The following CEP89 variants were observed in gnomAD, a reference collection of about 807,000 sequenced individuals.
CEP89 encodes centrosomal protein of 89 kDa.
CEP89 carries 95 observed loss-of-function variants against 97.6 expected under a neutral mutation model. That is an observed-to-expected ratio of 0.97 (90% confidence interval 0.82 to 1.15). CEP89 has a LOEUF of 1.15. CEP89 is among the 50% of genes most tolerant of loss of function. The pLI is 0.00. For missense variants in CEP89, 869 were observed against 947.7 expected, an observed-to-expected ratio of 0.92 and a Z score of 1.09; for synonymous variants, 354 against 349.1, an observed-to-expected ratio of 1.01 and a Z score of -0.16.
At chr19:32,951,563 A>ACACG (rs1555794453) in intron 4 of CEP89, among the ~76,000 whole-genome samples, 153 of 150,770 alleles carry the variant, frequency 1.0e-3, no homozygotes, top group African/African-American at 3.6e-3. Flanking sequence ...ACACACACAC[A>ACACG]CACGCACACT....
intron 12 of CEP89, among the ~76,000 whole-genome samples, chr19:32,923,065 TTC>T (rs1159647774): frequency 2.0e-5 from 3 of 151,990 alleles, no homozygotes; most frequent in African/African-American, 7.2e-5. Flanking sequence ...CTCATGAGCT[TTC>T]TGTTTTGGGA....
intron 5 of CEP89, among the ~76,000 whole-genome samples, chr19:32,944,329 C>T (rs1970752090): frequency 6.6e-6 from 1 of 151,640 alleles, no homozygotes; most frequent in Non-Finnish European, 1.5e-5. Context: ...CAGCACACAA[C>T]GAATGATAGC....
chr19:32,908,912 G>A (rs939984043), intron 14 of CEP89, among the ~76,000 whole-genome samples: 12 of 152,300 alleles, frequency 7.9e-5, no homozygotes, highest in African/African-American at 2.2e-4. Context: ...GGCAAGCCTC[G>A]AGGTGTGGTG....
intron 12 of CEP89, among the ~76,000 whole-genome samples, chr19:32,922,124 T>C (rs1970261549): frequency 6.6e-6 from 1 of 152,160 alleles, no homozygotes; most frequent in South Asian, 2.1e-4. Flanking sequence ...GAGCAGGACA[T>C]TGGTTCCTGC....
Position 32,879,330 on chromosome 19 carries a change from T to G in CEP89, c.2184A>C (p.Glu728Asp). 1 of 1,614,262 alleles carries G rather than the reference T, an allele frequency of 6.2e-7. No individual in the cohort carries two copies. The highest frequency in any genetic ancestry group is 8.5e-7 in the Non-Finnish European group (1 of 1,180,050). ...GGAGAAGTTCTCGGATTCTTCGGTT[T>G]TCCCTGAAGGTAGATTCCCAAATAA... ...LEVIWESTFR[E>D]NRRIRELLQD... The change falls in exon 19 of 19, where the codon GAA becomes GAC. Residue 728 changes from glutamate (E) to aspartate (D), a missense_variant. Glu to Asp is a conservative substitution (Grantham distance 45, BLOSUM62 2). Coordinates refer to ENST00000305768, the MANE Select transcript of CEP89 (RefSeq NM_032816.5).
At position 32,878,962 on chromosome 19, in the gene CEP89, T is replaced by TAAAAA. The variant is rs71336972; in HGVS notation, c.*195_*199dup. 3 of 384,248 alleles carry TAAAAA rather than the reference T, an allele frequency of 7.8e-6. No individual in the cohort carries two copies. Among genetic ancestry groups the TAAAAA allele is most frequent in the Non-Finnish European group, 9.2e-6 (2 of 216,964 alleles). 23.8% of individuals were successfully genotyped at this position (384,248 alleles called of 1,614,324 possible). ...GGGCAACAGAGTGAGACCCTAGCTC[T>TAAAAA]AAAAAAAAAAAAAAATTAAAAAATA... On this transcript the variant is annotated 3_prime_UTR_variant, in exon 19 of 19. Transcript: ENST00000305768.
Position 32,879,113 on chromosome 19 carries a change from G to A in CEP89, c.*49C>T, listed in dbSNP as rs1266358993. The A allele has an allele frequency of 6.8e-7, 1 of 1,478,788 alleles. No individual in the cohort carries two copies. The allele number at this position is 1,478,788 out of a possible 1,614,324, so 91.6% of individuals were successfully genotyped here. On this transcript the variant is annotated 3_prime_UTR_variant, in exon 19 of 19. Transcript: ENST00000305768. ...TGCCCTGCAGGGAAGGCCTGTGTGA[G>A]GCAGACCTTTCAGGCCAGAGGAGGC...
intron 11 of CEP89, among the ~76,000 whole-genome samples, chr19:32,925,332 G>C (rs995762043): frequency 6.6e-6 from 1 of 152,122 alleles, no homozygotes; most frequent in Non-Finnish European, 1.5e-5. Context: ...AAACGGCGGT[G>C]GACAAGGCAG....
chr19:32,966,466 T>C lies in CEP89; in HGVS notation c.40A>G (p.Lys14Glu), dbSNP rs1450013412. Residue 14 changes from lysine to glutamate, a missense_variant and splice_region_variant, in exon 2 of 19, where the codon AAA becomes GAA. Transcript: ENST00000305768. ...GFRRGRRSHF[K>E]HIIHGLLPAA... ...GGTAAAAGGCCATGGATGATGTGTT[T>C]CTGCACAAATGAAATCCAACAGAAG... 6.6e-7 allele frequency: 1 copy of C among 1,508,508 alleles called. No homozygotes were observed. Among genetic ancestry groups the C allele is most frequent in the Admixed American group, 2.1e-5 (1 of 48,424 alleles). 93.4% of individuals were successfully genotyped at this position (1,508,508 alleles called of 1,614,324 possible).
Position 32,878,976 on chromosome 19 carries a change from AAT to A in CEP89, c.*184_*185del. 4.3e-6 allele frequency: 2 copies of A among 466,746 alleles called. No homozygotes were observed. The highest frequency in any genetic ancestry group is 7.5e-6 in the Non-Finnish European group (2 of 268,374). 28.9% of individuals were successfully genotyped at this position (466,746 alleles called of 1,614,324 possible). On this transcript the variant is annotated 3_prime_UTR_variant, in exon 19 of 19. Coordinates refer to ENST00000305768, the MANE Select transcript of CEP89 (RefSeq NM_032816.5). ...GACCCTAGCTCTAAAAAAAAAAAAA[AAT>A]TAAAAAATAAAGCAAAATGTTATCA...
chr19:32,939,193 G>A (rs1970636896), intron 6 of CEP89, among the ~76,000 whole-genome samples: 1 of 152,146 alleles, frequency 6.6e-6, no homozygotes, highest in Non-Finnish European at 1.5e-5. Flanking sequence ...TGAGGCTACA[G>A]TGAGCTATGA....
intron 17 of CEP89, among the ~76,000 whole-genome samples, chr19:32,886,293 C>G (rs1286245401): frequency 6.6e-6 from 1 of 152,204 alleles, no homozygotes; most frequent in Non-Finnish European, 1.5e-5. Flanking sequence ...CTGAATTCCT[C>G]TGGAATGAGA....
At chr19:32,893,886 G>A (rs1277741646) in intron 16 of CEP89, among the ~76,000 whole-genome samples, 1 of 152,208 alleles carries the variant, frequency 6.6e-6, no homozygotes, top group East Asian at 1.9e-4. Flanking sequence ...TACAGCAAAA[G>A]CAATGCTAAG....
At chr19:32,887,952 C>A in intron 16 of CEP89, 111 bp from the exon 17 acceptor site, 1 of 680,750 alleles carries the variant, frequency 1.5e-6, no homozygotes, top group Non-Finnish European at 2.6e-6. Flanking sequence ...CATTCTGCAA[C>A]CTGTCCTGCC....
At chr19:32,918,118 T>C (rs1288414411) in intron 13 of CEP89, 106 bp downstream of exon 13, 2 of 870,306 alleles carry the variant, frequency 2.3e-6, no homozygotes, top group Non-Finnish European at 3.8e-6. Flanking sequence ...ATGCAAAACA[T>C]GACTTCTCTC....
chr19:32,917,787 G>A (rs1170875689), intron 13 of CEP89: 2 of 984,958 alleles, frequency 2.0e-6, no homozygotes, highest in Non-Finnish European at 2.4e-6. Context: ...AACCTGCAGT[G>A]ATGTCGCCTC....
chr19:32,879,022 C>T lies in CEP89; in HGVS notation c.*140G>A. 1 of 583,856 alleles carries T rather than the reference C, an allele frequency of 1.7e-6. No homozygotes were observed. The highest frequency in any genetic ancestry group is 2.9e-6 in the Non-Finnish European group (1 of 339,268). The allele number at this position is 583,856 out of a possible 1,614,324, so 36.2% of individuals were successfully genotyped here. A position where few individuals can be genotyped will look rare whatever the true frequency, so the allele number is the denominator to read the frequency against. ...GTTATCAATGGATTAAACTATGAGA[C>T]CATTTATTTCTTCCCTGCCCTGCAG... is the stretch of plus-strand genomic sequence containing the variant. On this transcript the variant is annotated 3_prime_UTR_variant, in exon 19 of 19. Coordinates refer to ENST00000305768, the MANE Select transcript of CEP89 (RefSeq NM_032816.5).
intron 18 of CEP89, among the ~76,000 whole-genome samples, chr19:32,880,470 AC>A (rs975023808): frequency 2.8e-4 from 42 of 151,992 alleles, no homozygotes. Context: ...CCTCATCTCT[AC>A]AAAAAACTTA....
intron 9 of CEP89, among the ~76,000 whole-genome samples, chr19:32,927,444 C>G (rs1201730575): frequency 6.6e-6 from 1 of 151,936 alleles, no homozygotes; most frequent in African/African-American, 2.4e-5. Context: ...GCAGGGGTAC[C>G]CCATAGGCAG....
Sources: allele counts gnomAD v4.1 joint callset (sites outside exome capture counted in the v4.1 genomes callset), GRCh38; gene constraint gnomAD v4.1.1; transcripts MANE v1.5; gene names NCBI Gene and HGNC (gene_info 2026-07-23, HGNC 2026-07-21).